Variants in SGMS1 observed in about 807,000 individuals in gnomAD.
The protein encoded by SGMS1 is sphingomyelin synthase 1.
A neutral mutation model predicts 46.2 loss-of-function variants in SGMS1; 13 were observed. That is an observed-to-expected ratio of 0.28 (90% CI 0.18 to 0.45). The LOEUF is 0.45. Ranked by LOEUF, SGMS1 falls within the 20% of genes least tolerant of loss-of-function variation. SGMS1 has a pLI of 1.00. For synonymous variants in SGMS1, 203 were observed against 187.8 expected, an observed-to-expected ratio of 1.08 and a Z score of -0.66; for missense variants, 324 against 519.9, an observed-to-expected ratio of 0.62 and a Z score of 3.66.
chr10:50,605,941 C>T (rs768588752), intron 1 of SGMS1, among the ~76,000 whole-genome samples: 3 of 152,172 alleles, frequency 2.0e-5, no homozygotes, highest in Non-Finnish European at 4.4e-5. Flanking sequence ...TATTGTTCCA[C>T]TCTCTACATT....
At chr10:50,606,188 C>T (rs1031007104) in intron 1 of SGMS1, among the ~76,000 whole-genome samples, 4 of 152,152 alleles carry the variant, frequency 2.6e-5, no homozygotes, top group Admixed American at 6.5e-5. Flanking sequence ...CTACAATATG[C>T]GTGAACTCTG....
At chr10:50,371,649 T>A (rs776913543) in intron 6 of SGMS1, among the ~76,000 whole-genome samples, 9 of 152,226 alleles carry the variant, frequency 5.9e-5, no homozygotes, top group Non-Finnish European at 1.0e-4. Context: ...ATGTTTCACA[T>A]GATGGGCTTC....
intron 6 of SGMS1, among the ~76,000 whole-genome samples, chr10:50,394,888 T>C (rs1848823939): frequency 6.6e-6 from 1 of 152,212 alleles, no homozygotes; most frequent in Non-Finnish European, 1.5e-5. Flanking sequence ...TTGATGACTA[T>C]GATTAAGCTT....
intron 3 of SGMS1, among the ~76,000 whole-genome samples, chr10:50,480,695 G>A (rs772479625): frequency 3.6e-4 from 55 of 152,174 alleles, no homozygotes; most frequent in Non-Finnish European, 7.1e-4. Flanking sequence ...ACAGAGCTGT[G>A]CAGACTTTCA....
intron 3 of SGMS1, among the ~76,000 whole-genome samples, chr10:50,493,043 G>A (rs1411576602): frequency 6.6e-6 from 1 of 151,910 alleles, no homozygotes; most frequent in Non-Finnish European, 1.5e-5. Flanking sequence ...TATTACCCCA[G>A]ACAACAATGC....
intron 3 of SGMS1, among the ~76,000 whole-genome samples, chr10:50,498,066 T>A (rs888234049): frequency 6.6e-6 from 1 of 152,212 alleles, no homozygotes; most frequent in Non-Finnish European, 1.5e-5. Context: ...AGCCCACTCA[T>A]TTTTAAAAGA....
At chr10:50,571,261 G>A (rs530680454) in intron 2 of SGMS1, among the ~76,000 whole-genome samples, 1 of 152,330 alleles carries the variant, frequency 6.6e-6, no homozygotes, top group East Asian at 1.9e-4. Flanking sequence ...ATATCTACAT[G>A]AGGCTACTTT....
intron 8 of SGMS1, among the ~76,000 whole-genome samples, chr10:50,313,890 C>T (rs1847297829): frequency 6.6e-6 from 1 of 152,086 alleles, no homozygotes; most frequent in Non-Finnish European, 1.5e-5. Flanking sequence ...AGACCCTAAG[C>T]TTCCTTTTCA....
intron 6 of SGMS1, among the ~76,000 whole-genome samples, chr10:50,390,728 T>C (rs1181850465): frequency 6.6e-6 from 1 of 152,200 alleles, no homozygotes; most frequent in Non-Finnish European, 1.5e-5. Context: ...TTGAAAGAAA[T>C]TGGGCAATTA....
At chr10:50,543,172 A>C (rs773696010) in intron 2 of SGMS1, among the ~76,000 whole-genome samples, 5 of 152,216 alleles carry the variant, frequency 3.3e-5, no homozygotes, top group Non-Finnish European at 7.3e-5. Flanking sequence ...TTTCCATTAC[A>C]ATATGCTCAG....
upstream of SGMS1, chr10:50,624,578 C>T: frequency 1.0e-6 from 1 of 985,234 alleles, no homozygotes; most frequent in Non-Finnish European, 1.2e-6. Flanking sequence ...CCGACTGCGT[C>T]AGAGCCGCCC....
intron 2 of SGMS1, among the ~76,000 whole-genome samples, chr10:50,531,218 C>A (rs993075163): frequency 6.6e-6 from 1 of 152,200 alleles, no homozygotes; most frequent in Non-Finnish European, 1.5e-5. Context: ...CAGTGAAAAT[C>A]TTGCTATCAC....
Position 50,361,276 on chromosome 10 carries a change from C to T in SGMS1, c.-231-16931G>A, listed in dbSNP as rs534084897. Among the ~76,000 whole-genome samples the T allele has an allele frequency of 2.0e-5, 3 of 152,230 alleles. No homozygotes were observed. In the South Asian group the frequency reaches 6.2e-4, roughly 32 times the overall value. On this transcript the variant is annotated intron_variant, in intron 6 of 10. Transcript: ENST00000361781. ...GGAGGTGGCAGAGCCAGTGTCAGAACAGACGAACGAGGTCACCCTGCCCCA... is the reference window on the plus strand; with the variant it reads ...GGAGGTGGCAGAGCCAGTGTCAGAATAGACGAACGAGGTCACCCTGCCCCA...
At chr10:50,500,752 G>C (rs1489532204) in intron 3 of SGMS1, among the ~76,000 whole-genome samples, 2 of 152,142 alleles carry the variant, frequency 1.3e-5, no homozygotes, top group Non-Finnish European at 2.9e-5. Context: ...GCTAACGTAA[G>C]TCCATACTAA....
chr10:50,569,209 G>C (rs922312184), intron 2 of SGMS1, among the ~76,000 whole-genome samples: 1 of 150,916 alleles, frequency 6.6e-6, no homozygotes, highest in African/African-American at 2.4e-5. Flanking sequence ...GTAGATAACA[G>C]GTTGATGGGT....
chr10:50,365,255 CAAAAA>C (rs67951872), intron 6 of SGMS1, among the ~76,000 whole-genome samples: 26 of 45,028 alleles, frequency 5.8e-4, no homozygotes, highest in Non-Finnish European at 8.1e-4. Context: ...TCCATCTCAC[CAAAAA>C]AAAAAAAAAA....
intron 6 of SGMS1, among the ~76,000 whole-genome samples, chr10:50,370,727 G>A (rs1447919474): frequency 6.3e-5 from 9 of 143,098 alleles, no homozygotes; most frequent in South Asian, 2.3e-4. Context: ...GCGACAGAGC[G>A]AGACTCCATC....
At chr10:50,334,695 C>T (rs1847686974) in intron 7 of SGMS1, 1 of 152,182 alleles carries the variant, frequency 6.6e-6, no homozygotes. Context: ...AATGAATATA[C>T]ATGTGCTATT....
At chr10:50,372,428 C>T (rs1848451520) in intron 6 of SGMS1, among the ~76,000 whole-genome samples, 1 of 152,198 alleles carries the variant, frequency 6.6e-6, no homozygotes, top group Non-Finnish European at 1.5e-5. Flanking sequence ...CACACGGTGG[C>T]TCACGCCTGT....
Sources: gnomAD v4.1 joint callset for allele counts (sites outside exome capture counted in the v4.1 genomes callset) on GRCh38, gnomAD v4.1.1 for gene constraint, MANE v1.5 for transcripts, NCBI Gene and HGNC (gene_info 2026-07-23, HGNC 2026-07-21) for gene names.